APPL2: variants seen among roughly 807,000 people sequenced by gnomAD.
APPL2 encodes the protein DCC-interacting protein 13-beta.
A neutral mutation model predicts 92.7 loss-of-function variants in APPL2; 84 were observed. That is an observed-to-expected ratio of 0.91 (90% confidence interval 0.76 to 1.09). The LOEUF (loss-of-function observed/expected upper bound fraction) is 1.09, where lower values mean the gene tolerates loss of function less well. Among genes scored for constraint, APPL2 ranks in the 50% least tolerant of loss-of-function variants. APPL2 has a pLI of 0.00. For synonymous variants in APPL2, 291 were observed against 291.0 expected (o/e 1.00, Z 0.00); for missense variants, 736 against 824.5 (o/e 0.89, Z 1.31).
At chr12:105,179,189 A>C (rs11112398) in intron 17 of APPL2, among the ~76,000 whole-genome samples, 1 of 151,988 alleles carries the variant, frequency 6.6e-6, no homozygotes, top group African/African-American at 2.4e-5. Flanking sequence ...TCCTGTGCCT[A>C]TATGTTCTCA....
At position 105,208,107 on chromosome 12, in the gene APPL2, C is replaced by A; in HGVS notation, c.415+51G>T. The A allele has an allele frequency of 1.9e-6, 3 of 1,613,560 alleles. No homozygotes were observed. The Admixed American group carries it at 5.0e-5, about 27-fold the overall frequency. On this transcript the variant is annotated intron_variant, in intron 6 of 20. Coordinates refer to ENST00000258530, the MANE Select transcript of APPL2 (RefSeq NM_018171.5). ...GAACATTCATTGGGGGTCTCCTCCC[C>A]GCCACAGTAAGCCCACACACCCACA...
chr12:105,215,170 G>A (rs1233199725), intron 4 of APPL2, among the ~76,000 whole-genome samples: 3 of 152,150 alleles, frequency 2.0e-5, no homozygotes, highest in South Asian at 4.1e-4. Flanking sequence ...TTTATAGCTC[G>A]TTTGTCAGAA....
chr12:105,234,358 C>T (rs1168635736), intron 1 of APPL2, among the ~76,000 whole-genome samples: 1 of 152,220 alleles, frequency 6.6e-6, no homozygotes, highest in African/African-American at 2.4e-5. Flanking sequence ...GATGAAGAGA[C>T]TCACCCACAT....
At chr12:105,199,817 G>T (rs1053382099) in intron 9 of APPL2, among the ~76,000 whole-genome samples, 2 of 151,466 alleles carry the variant, frequency 1.3e-5, no homozygotes, top group East Asian at 1.9e-4. Context: ...CTTTTTTTTT[G>T]TTGTTTTTAT....
Position 105,173,558 on chromosome 12 carries a change from G to A in APPL2, c.*756C>T, listed in dbSNP as rs1885187980. 1 of 152,610 alleles carries A rather than the reference G, an allele frequency of 6.6e-6. No individual in the cohort carries two copies. Among genetic ancestry groups the A allele is most frequent in the Non-Finnish European group, 1.5e-5 (1 of 68,044 alleles). 9.5% of individuals were successfully genotyped at this position (152,610 alleles called of 1,614,324 possible). A position where few individuals can be genotyped will look rare whatever the true frequency, so the allele number is the denominator to read the frequency against. ...TTGGTCCCTTCCCTGAAGAGGGTCT[G>A]GCTCAGAAGAAACAGGAACTGGTAG... On this transcript the variant is annotated 3_prime_UTR_variant, in exon 21 of 21. Coordinates refer to ENST00000258530, the MANE Select transcript of APPL2 (RefSeq NM_018171.5).
chr12:105,190,776 G>A (rs896798856), intron 14 of APPL2, among the ~76,000 whole-genome samples: 3 of 152,128 alleles, frequency 2.0e-5, no homozygotes, highest in Non-Finnish European at 4.4e-5. Context: ...ACAGTCTTGC[G>A]GCCCTGTGTG....
chr12:105,193,381 A>C (rs543448217), intron 14 of APPL2, among the ~76,000 whole-genome samples: 3 of 152,354 alleles, frequency 2.0e-5, no homozygotes, highest in African/African-American at 7.2e-5. Flanking sequence ...AAGGCTGAGA[A>C]GACAAAGGCC....
At chr12:105,217,541 C>T (rs1371958630) in intron 3 of APPL2, 125 bp downstream of exon 3, 3 of 902,990 alleles carry the variant, frequency 3.3e-6, no homozygotes, top group Non-Finnish European at 5.0e-6. Context: ...AGGGAAAAGA[C>T]AGGACAAAAA....
At chr12:105,217,925 A>G (rs1196580431) in intron 2 of APPL2, among the ~76,000 whole-genome samples, 200 bp from the exon 3 acceptor site, 1 of 152,152 alleles carries the variant, frequency 6.6e-6, no homozygotes, top group Non-Finnish European at 1.5e-5. Context: ...CAACACAGCA[A>G]AACTCCATCT....
At chr12:105,219,504 T>C (rs1258664821) in intron 2 of APPL2, among the ~76,000 whole-genome samples, 1 of 152,210 alleles carries the variant, frequency 6.6e-6, no homozygotes, top group African/African-American at 2.4e-5. Flanking sequence ...TTCATTCAGA[T>C]AGGAACGTCC....
rs761012978 is a variant in APPL2 at position 105,221,351 on chromosome 12, C to A, written c.154-3626G>T. On this transcript the variant is annotated intron_variant, in intron 2 of 20. Coordinates refer to ENST00000258530, the MANE Select transcript of APPL2 (RefSeq NM_018171.5). ...ATCACATTTAATCCTCACAGTGCACCCATGAAGTAGATACTATTATTATTT... is the reference window on the plus strand; with the variant it reads ...ATCACATTTAATCCTCACAGTGCACACATGAAGTAGATACTATTATTATTT... Among the ~76,000 whole-genome samples, 3 of 152,034 alleles carry A rather than the reference C, an allele frequency of 2.0e-5. No individual in the cohort carries two copies. The East Asian group carries it at 5.8e-4, about 29-fold the overall frequency.
chr12:105,213,110 T>C (rs1299836636), intron 4 of APPL2, among the ~76,000 whole-genome samples: 1 of 152,234 alleles, frequency 6.6e-6, no homozygotes, highest in African/African-American at 2.4e-5. Context: ...ATCAATATAA[T>C]AGCCCAATTA....
intron 1 of APPL2, among the ~76,000 whole-genome samples, chr12:105,232,386 A>T (rs145337413): frequency 7.2e-5 from 11 of 152,232 alleles, no homozygotes; most frequent in African/African-American, 2.4e-4. Context: ...CATTCTCAAG[A>T]ATAGTGTGTG....
In APPL2 at chr12:105,174,186, A is replaced by G. The variant is rs1259007356; in HGVS notation, c.*128T>C. The G allele has an allele frequency of 2.0e-5, 24 of 1,199,744 alleles. No individual in the cohort carries two copies. Among genetic ancestry groups the G allele is most frequent in the Admixed American group, 2.6e-5 (1 of 38,352 alleles). The allele number at this position is 1,199,744 out of a possible 1,614,324, so 74.3% of individuals were successfully genotyped here. A position where few individuals can be genotyped will look rare whatever the true frequency, so the allele number is the denominator to read the frequency against. ...CCCAAGTCTCAGTATCAAGGCATCA[A>G]GATTACATTCCACAAACGATTGTCA... On this transcript the variant is annotated 3_prime_UTR_variant, in exon 21 of 21. Coordinates refer to ENST00000258530, the MANE Select transcript of APPL2 (RefSeq NM_018171.5).
At chr12:105,205,050 G>C (rs1888583310) in intron 8 of APPL2, among the ~76,000 whole-genome samples, 1 of 152,154 alleles carries the variant, frequency 6.6e-6, no homozygotes, top group African/African-American at 2.4e-5. Flanking sequence ...CGAGAAGCCT[G>C]ATGAGTCTCC....
At chr12:105,192,965 C>T (rs1357414702) in intron 14 of APPL2, among the ~76,000 whole-genome samples, 1 of 151,898 alleles carries the variant, frequency 6.6e-6, no homozygotes, top group Non-Finnish European at 1.5e-5. Flanking sequence ...TGATTCTTTC[C>T]CCCCCCACTG....
At chr12:105,179,927 G>A (rs1885948264) in intron 17 of APPL2, among the ~76,000 whole-genome samples, 1 of 152,186 alleles carries the variant, frequency 6.6e-6, no homozygotes, top group African/African-American at 2.4e-5. Context: ...TAGGTTGCCT[G>A]TTCACTCTGA....
intron 1 of APPL2, 75 bp downstream of exon 1, chr12:105,235,884 C>A (rs1467507841): frequency 8.5e-7 from 1 of 1,172,906 alleles, no homozygotes; most frequent in Non-Finnish European, 1.1e-6. Flanking sequence ...GGGGGCGCGG[C>A]CTCCACTCCG....
intron 17 of APPL2, among the ~76,000 whole-genome samples, chr12:105,187,685 T>C (rs1044524218): frequency 1.3e-5 from 2 of 152,202 alleles, no homozygotes; most frequent in African/African-American, 4.8e-5. Flanking sequence ...CCTAAAAAAT[T>C]AGTGAGATGT....
Sources: allele counts gnomAD v4.1 joint callset (sites outside exome capture counted in the v4.1 genomes callset), GRCh38; gene constraint gnomAD v4.1.1; transcripts MANE v1.5; gene names NCBI Gene and HGNC (gene_info 2026-07-23, HGNC 2026-07-21).